Variants in FHIT observed in about 807,000 individuals in gnomAD.
FHIT encodes fragile histidine triad diadenosine triphosphatase, also known as bis(5'-adenosyl)-triphosphatase.
In FHIT, 19 loss-of-function variants were observed where a neutral mutation model predicts 17.9. The observed-to-expected ratio is 1.06, with a 90% confidence interval of 0.74 to 1.56. FHIT has a LOEUF of 1.56. Ranked by LOEUF, FHIT falls within the 40% of genes most tolerant of loss-of-function variation. The pLI is 0.00. For missense variants in FHIT, 248 were observed against 189.2 expected (o/e 1.31, Z -1.82); for synonymous variants, 81 against 69.7 (o/e 1.16, Z -0.81).
chr3:59,813,448 T>C (rs1186800239), intron 8 of FHIT, among the ~76,000 whole-genome samples: 1 of 152,142 alleles, frequency 6.6e-6, no homozygotes, highest in African/African-American at 2.4e-5. Context: ...GAGCACAGCA[T>C]GTGAAGAGAG....
intron 3 of FHIT, among the ~76,000 whole-genome samples, chr3:60,825,509 C>T (rs1163502944): frequency 7.9e-5 from 12 of 152,158 alleles, no homozygotes; most frequent in African/African-American, 2.7e-4. Context: ...CAGTACCAGT[C>T]TGTGGCCTGT....
At chr3:59,900,300 T>G (rs1477417395) in intron 8 of FHIT, among the ~76,000 whole-genome samples, 3 of 152,150 alleles carry the variant, frequency 2.0e-5, no homozygotes, top group Non-Finnish European at 2.9e-5. Context: ...TCCCAGCAGT[T>G]GTGCAGGCCT....
rs113594326 is a variant in FHIT, at chr3:60,929,354, A to C, written c.-110-107343T>G. Among the ~76,000 whole-genome samples the C allele has an allele frequency of 1.1e-3, 173 of 152,296 alleles. 1 individual carries two copies. The highest frequency in any genetic ancestry group is 4.4e-3 in the Admixed American group (68 of 15,290). On this transcript the variant is annotated intron_variant, in intron 3 of 9. Coordinates refer to ENST00000492590, the MANE Select transcript of FHIT (RefSeq NM_002012.4). The stretch of plus-strand genomic sequence containing the variant: ...CCTATTCAACATAGTGTTGGAAGTT[A>C]TGGCCAGGGCAATTAGGCAGGAGAA...
chr3:59,777,137 T>A (rs919194581), intron 8 of FHIT, among the ~76,000 whole-genome samples: 1 of 152,132 alleles, frequency 6.6e-6, no homozygotes, highest in Non-Finnish European at 1.5e-5. Flanking sequence ...TTCTCCCATA[T>A]CCACCTTCGA....
chr3:59,750,453 G>A (rs1249494834), intron 9 of FHIT: 5 of 224,200 alleles, frequency 2.2e-5, no homozygotes, highest in Admixed American at 5.7e-5. Context: ...GAGGTTTGTA[G>A]TCATGCCCAT....
At chr3:59,855,258 C>A (rs1260561987) in intron 8 of FHIT, among the ~76,000 whole-genome samples, 3 of 152,186 alleles carry the variant, frequency 2.0e-5, no homozygotes, top group Admixed American at 1.3e-4. Context: ...ATGAATGCCA[C>A]ATATAAACCA....
At chr3:60,980,353 T>A (rs1038380782) in intron 3 of FHIT, among the ~76,000 whole-genome samples, 1 of 152,094 alleles carries the variant, frequency 6.6e-6, no homozygotes, top group African/African-American at 2.4e-5. Context: ...AGCAACAATA[T>A]AAGGAATGTC....
chr3:60,852,536 C>A (rs1489839074), intron 3 of FHIT, among the ~76,000 whole-genome samples: 5 of 152,110 alleles, frequency 3.3e-5, no homozygotes, highest in African/African-American at 1.2e-4. Context: ...TGGCACCTAA[C>A]TGCATGTCTC....
At chr3:59,791,339 A>G (rs1229403678) in intron 8 of FHIT, among the ~76,000 whole-genome samples, 1 of 152,102 alleles carries the variant, frequency 6.6e-6, no homozygotes, top group Non-Finnish European at 1.5e-5. Flanking sequence ...GGGTGGGGGA[A>G]ACCCACAATC....
chr3:61,091,344 T>A lies in FHIT; in HGVS notation c.-163-49245A>T, dbSNP rs115118029. Among the ~76,000 whole-genome samples the A allele has an allele frequency of 7.8e-3, 1,185 of 152,298 alleles. 17 individuals carry two copies. Among genetic ancestry groups the A allele is most frequent in the African/African-American group, 0.027 (1,134 of 41,554 alleles). On this transcript the variant is annotated intron_variant, in intron 2 of 9. Coordinates refer to ENST00000492590, the MANE Select transcript of FHIT (RefSeq NM_002012.4). ...ATTCCAATCCTGGATTTGCCTCTTA[T>A]TAATCTAAGAAGGCAAGACACGTAA...
chr3:61,087,092 A>G (rs1305343047), intron 2 of FHIT, among the ~76,000 whole-genome samples: 3 of 152,000 alleles, frequency 2.0e-5, no homozygotes. Flanking sequence ...TTGTCAATCC[A>G]TCTCAGTTTC....
At chr3:59,930,576 C>T (rs1481555268) in intron 7 of FHIT, among the ~76,000 whole-genome samples, 2 of 152,136 alleles carry the variant, frequency 1.3e-5, no homozygotes, top group Non-Finnish European at 2.9e-5. Context: ...CGGCAGGCTT[C>T]AGTTCCCCCT....
chr3:60,513,842 A>G (rs1201562188), intron 5 of FHIT, among the ~76,000 whole-genome samples: 1 of 152,124 alleles, frequency 6.6e-6, no homozygotes, highest in Non-Finnish European at 1.5e-5. Context: ...CCTGCCCTGC[A>G]CCCTATCCTG....
intron 5 of FHIT, among the ~76,000 whole-genome samples, chr3:60,375,148 G>A (rs553738814): frequency 1.3e-4 from 19 of 151,460 alleles, no homozygotes; most frequent in African/African-American, 3.2e-4. Flanking sequence ...ACACTTTCAC[G>A]GTAGCAATTT....
intron 4 of FHIT, among the ~76,000 whole-genome samples, chr3:60,545,722 T>C (rs977876345): frequency 7.9e-5 from 12 of 152,218 alleles, no homozygotes; most frequent in African/African-American, 2.9e-4. Context: ...CTCTAAGCTG[T>C]TGATTTTTTA....
intron 1 of FHIT, among the ~76,000 whole-genome samples, chr3:61,202,065 G>GATAC (rs1263436127): frequency 1.5e-4 from 14 of 93,892 alleles, no homozygotes; most frequent in African/African-American, 5.6e-4. Context: ...CACGCACATA[G>GATAC]ATACACACAC....
At chr3:60,948,858 G>C (rs1553776410) in intron 3 of FHIT, among the ~76,000 whole-genome samples, 1 of 152,176 alleles carries the variant, frequency 6.6e-6, no homozygotes, top group African/African-American at 2.4e-5. Context: ...AGATGAAGCA[G>C]TATGATGAAT....
At chr3:60,092,949 T>C (rs935071362) in intron 5 of FHIT, among the ~76,000 whole-genome samples, 1 of 152,188 alleles carries the variant, frequency 6.6e-6, no homozygotes, top group South Asian at 2.1e-4. Flanking sequence ...GACATCTCTG[T>C]CACAGAGAAG....
chr3:60,961,994 C>T (rs1311406240), intron 3 of FHIT, among the ~76,000 whole-genome samples: 16 of 152,126 alleles, frequency 1.1e-4, no homozygotes, highest in Admixed American at 5.9e-4. Flanking sequence ...ATGGGGATGG[C>T]GTTGAATCTA....
Sources: gnomAD v4.1 joint callset for allele counts (sites outside exome capture counted in the v4.1 genomes callset) on GRCh38, gnomAD v4.1.1 for gene constraint, MANE v1.5 for transcripts, NCBI Gene and HGNC (gene_info 2026-07-23, HGNC 2026-07-21) for gene names.